The following ASB4 variants were observed in gnomAD, a reference collection of about 807,000 sequenced individuals.
ASB4 encodes the protein ankyrin repeat and SOCS box containing 4, also known as ankyrin repeat and SOCS box protein 4.
ASB4 carries 35 observed loss-of-function variants against 38.6 expected under a neutral mutation model. That is an observed-to-expected ratio of 0.91 (90% confidence interval 0.69 to 1.20). The LOEUF (loss-of-function observed/expected upper bound fraction) is 1.20, where lower values mean the gene tolerates loss of function less well. Ranked by LOEUF, ASB4 falls within the 50% of genes most tolerant of loss-of-function variation. ASB4 has a pLI of 0.00. For synonymous variants in ASB4, 195 were observed against 201.3 expected (o/e 0.97, Z 0.26); for missense variants, 557 against 527.2 (o/e 1.06, Z -0.55).
In ASB4 at chr7:95,537,679, C is replaced by A. The variant is rs1410370770; in HGVS notation, c.1201C>A (p.His401Asn). 1.2e-6 allele frequency: 2 copies of A among 1,613,756 alleles called. No homozygotes were observed. The highest frequency in any genetic ancestry group is 1.7e-6 in the Non-Finnish European group (2 of 1,179,842). ...AIRRTLHNRC[H>N]RAIPLLSLPL... Reference sequence around the variant, plus strand: ...TAGAAGAACATTACACAACAGATGCCATAGAGCAATTCCTTTGCTTTCCCT... The same window carrying A: ...TAGAAGAACATTACACAACAGATGCAATAGAGCAATTCCTTTGCTTTCCCT... Residue 401 changes from histidine to asparagine, a missense_variant, in exon 5 of 5, where the codon CAT (histidine) becomes AAT (asparagine). Transcript: ENST00000325885.
At chr7:95,550,135 A>C in the ASB4 span, among the ~76,000 whole-genome samples, 1 of 152,154 alleles carries the variant, frequency 6.6e-6, no homozygotes, top group Non-Finnish European at 1.5e-5. Flanking sequence ...TTCCCTAAAA[A>C]TTTATCTCTT....
At chr7:95,481,085 G>T (rs1308927507), upstream of ASB4, among the ~76,000 whole-genome samples, 1 of 152,132 alleles carries the variant, frequency 6.6e-6, no homozygotes, top group Non-Finnish European at 1.5e-5. Flanking sequence ...TTCATTTATA[G>T]TCTTTGATTC....
chr7:95,478,710 T>G (rs986476317), intron 1 of ASB4: 13 of 152,112 alleles, frequency 8.5e-5, no homozygotes, highest in Non-Finnish European at 1.6e-4. Flanking sequence ...ACTTCAGCAT[T>G]CCAAAGAGAG....
At position 95,501,052 on chromosome 7, in the gene ASB4, A is replaced by G. The variant is rs1209277303; in HGVS notation, c.487+4995A>G. Reference sequence around the variant, plus strand: ...ATTGATTTTTAAATTTAATTAGTTTAAACATGCAAGCTTTTTATTTTTAAG... The same window carrying G: ...ATTGATTTTTAAATTTAATTAGTTTGAACATGCAAGCTTTTTATTTTTAAG... On this transcript the variant is annotated intron_variant, in intron 2 of 4. Transcript: ENST00000325885. Among the ~76,000 whole-genome samples, 3 of 152,188 alleles carry G rather than the reference A, an allele frequency of 2.0e-5. No homozygotes were observed. The East Asian group carries it at 5.8e-4, about 29-fold the overall frequency.
At chr7:95,496,656 C>T (rs532910102) in intron 2 of ASB4, among the ~76,000 whole-genome samples, 3 of 152,016 alleles carry the variant, frequency 2.0e-5, no homozygotes, top group South Asian at 2.1e-4. Context: ...AGACCAGTCT[C>T]GGCAACATAG....
At chr7:95,493,380 GTGTGTGTGTGTA>G (rs141671494) in intron 1 of ASB4, among the ~76,000 whole-genome samples, 12,671 of 129,204 alleles carry the variant, frequency 0.098, 696 homozygotes, top group East Asian at 0.31. Flanking sequence ...GTGTGTGTGT[GTGTGTGTGTGTA>G]TGTGTGTGTG....
intron 2 of ASB4, among the ~76,000 whole-genome samples, chr7:95,516,729 C>T (rs561116844): frequency 3.9e-5 from 6 of 152,306 alleles, no homozygotes; most frequent in Admixed American, 1.3e-4. Context: ...TTTATAAAGC[C>T]GAGCTGTTTT....
chr7:95,548,626 G>A, the ASB4 span, among the ~76,000 whole-genome samples: 1 of 152,170 alleles, frequency 6.6e-6, no homozygotes, highest in Admixed American at 6.5e-5. Flanking sequence ...ATGAGGAAAT[G>A]AGGACTAGAA....
intron 1 of ASB4, among the ~76,000 whole-genome samples, chr7:95,492,577 C>G (rs965117688): frequency 6.6e-6 from 1 of 152,192 alleles, no homozygotes; most frequent in East Asian, 1.9e-4. Context: ...ATAATCTTCC[C>G]TCCAGCGCTA....
chr7:95,476,036 T>C (rs1389065666), upstream of ASB4, among the ~76,000 whole-genome samples: 2 of 152,232 alleles, frequency 1.3e-5, no homozygotes, highest in Non-Finnish European at 2.9e-5. Flanking sequence ...TCAAACCGAA[T>C]GGTGTGATCT....
upstream of ASB4, among the ~76,000 whole-genome samples, chr7:95,477,937 A>G (rs867798912): frequency 9.9e-5 from 15 of 151,926 alleles, no homozygotes; most frequent in South Asian, 4.2e-4. Flanking sequence ...TTTTTCCTGC[A>G]ATATCCCATA....
chr7:95,513,257 T>G (rs867169928), intron 2 of ASB4, among the ~76,000 whole-genome samples: 1,616 of 139,858 alleles, frequency 0.012, 44 homozygotes, highest in African/African-American at 0.035. Flanking sequence ...TTGTTTGTTT[T>G]TTTTTTTTTT....
intron 1 of ASB4, among the ~76,000 whole-genome samples, chr7:95,490,272 T>C (rs1378387213): frequency 1.3e-5 from 2 of 152,252 alleles, no homozygotes; most frequent in African/African-American, 4.8e-5. Context: ...CTTTATCACC[T>C]AATTTTCCTC....
intron 3 of ASB4, among the ~76,000 whole-genome samples, chr7:95,531,396 C>T (rs150021121): frequency 3.9e-5 from 6 of 152,314 alleles, no homozygotes; most frequent in African/African-American, 1.4e-4. Flanking sequence ...AGACTACTTT[C>T]CCTCCAGCGA....
At chr7:95,522,306 A>T (rs1204032180) in intron 2 of ASB4, among the ~76,000 whole-genome samples, 2 of 152,170 alleles carry the variant, frequency 1.3e-5, no homozygotes, top group East Asian at 3.8e-4. Context: ...ACCATTCATG[A>T]TGGCAATGAT....
At chr7:95,474,969 G>C (rs1562805387), upstream of ASB4, among the ~76,000 whole-genome samples, 1 of 152,186 alleles carries the variant, frequency 6.6e-6, no homozygotes, top group Non-Finnish European at 1.5e-5. Context: ...AGGGATTCAG[G>C]AGATACTTTT....
chr7:95,518,990 A>G (rs1265668315), intron 2 of ASB4, among the ~76,000 whole-genome samples: 1 of 152,224 alleles, frequency 6.6e-6, no homozygotes, highest in Non-Finnish European at 1.5e-5. Flanking sequence ...AATGAGGTGC[A>G]CAGGTGAGGA....
At chr7:95,540,899 G>A (rs779008859), downstream of ASB4, among the ~76,000 whole-genome samples, 2 of 152,152 alleles carry the variant, frequency 1.3e-5, no homozygotes, top group African/African-American at 2.4e-5. Flanking sequence ...TTTGCAGTGG[G>A]TTATCAATGT....
intron 2 of ASB4, among the ~76,000 whole-genome samples, chr7:95,515,159 T>TC (rs1562816842): frequency 0.029 from 2,744 of 95,142 alleles, 77 homozygotes; most frequent in Middle Eastern, 0.05. Flanking sequence ...CTTTCTTTCT[T>TC]TCTCTTTCTC....
Sources: allele counts gnomAD v4.1 joint callset (sites outside exome capture counted in the v4.1 genomes callset), GRCh38; gene constraint gnomAD v4.1.1; transcripts MANE v1.5; gene names NCBI Gene and HGNC (gene_info 2026-07-23, HGNC 2026-07-21).